Variants in ZBTB40 observed in about 807,000 individuals in gnomAD.
The protein encoded by ZBTB40 is zinc finger and BTB domain-containing protein 40.
A neutral mutation model predicts 117.5 loss-of-function variants in ZBTB40; 60 were observed. The ratio of observed to expected loss-of-function variants is 0.51; its 90% confidence interval spans 0.41 to 0.63. The LOEUF is 0.63. ZBTB40 is among the 30% of genes least tolerant of loss of function. The pLI is 0.00. For synonymous variants in ZBTB40, 525 were observed against 577.1 expected (o/e 0.91, Z 1.29); for missense variants, 1,287 against 1,498.5 (o/e 0.86, Z 2.33).
chr1:22,525,993 A>G (rs941466960), intron 17 of ZBTB40, among the ~76,000 whole-genome samples: 3 of 152,152 alleles, frequency 2.0e-5, no homozygotes, highest in Admixed American at 1.3e-4. Flanking sequence ...AATTATAGCA[A>G]TTTAGTGCAC....
Position 22,526,341 on chromosome 1 carries a change from C to G in ZBTB40, c.3665C>G (p.Thr1222Ser). 1.2e-6 allele frequency: 2 copies of G among 1,614,208 alleles called. No homozygotes were observed. Among genetic ancestry groups the G allele is most frequent in the Non-Finnish European group, 1.7e-6 (2 of 1,180,038 alleles). Residue 1222 changes from threonine (T) to serine (S), a missense_variant, in exon 18 of 18, where the codon ACT (threonine) becomes AGT (serine). Transcript: ENST00000375647. The stretch of plus-strand genomic sequence containing the variant: ...GCCAGCTCTGAGCTCGTGGCGGTGA[C>G]TGTGGAGGACTTGCTGGATGGCACA... ...SQASSELVAV[T>S]VEDLLDGTVT...
intron 1 of ZBTB40, among the ~76,000 whole-genome samples, chr1:22,441,115 T>C (rs543546104): frequency 6.6e-6 from 1 of 152,316 alleles, no homozygotes; most frequent in African/African-American, 2.4e-5. Flanking sequence ...CCAGGGCTTT[T>C]CTTTGTCAGG....
chr1:22,509,034 G>A, intron 8 of ZBTB40, 66 bp from the exon 9 acceptor site: 3 of 1,613,020 alleles, frequency 1.9e-6, no homozygotes, highest in Non-Finnish European at 2.5e-6. Flanking sequence ...TTGAGTGGAG[G>A]AAGGGTGTAG....
chr1:22,521,054 G>C (rs1044583499), intron 14 of ZBTB40, among the ~76,000 whole-genome samples: 5 of 152,230 alleles, frequency 3.3e-5, no homozygotes, highest in African/African-American at 1.2e-4. Context: ...CAGCTTGCTC[G>C]GCTGTGCCCC....
intron 2 of ZBTB40, 90 bp downstream of exon 2, chr1:22,490,735 T>C (rs1468586266): frequency 2.7e-6 from 4 of 1,506,904 alleles, no homozygotes; most frequent in Non-Finnish European, 2.7e-6. Context: ...CAAAGACCAC[T>C]GTTAGGTAGA....
intron 1 of ZBTB40, among the ~76,000 whole-genome samples, chr1:22,458,446 G>T (rs1229116361): frequency 6.6e-6 from 1 of 152,184 alleles, no homozygotes; most frequent in Non-Finnish European, 1.5e-5. Context: ...TGGGGCCAGT[G>T]GGCCACATTC....
chr1:22,488,236 A>G (rs537278858), intron 1 of ZBTB40, among the ~76,000 whole-genome samples: 9 of 152,240 alleles, frequency 5.9e-5, no homozygotes, highest in Non-Finnish European at 1.3e-4. Context: ...AATTTTAAGC[A>G]CTGGGATACA....
At chr1:22,479,276 A>C in intron 1 of ZBTB40, among the ~76,000 whole-genome samples, 1 of 152,052 alleles carries the variant, frequency 6.6e-6, no homozygotes, top group East Asian at 1.9e-4. Context: ...TTTAGTGGAG[A>C]TGATGTTTGA....
At chr1:22,517,742 T>G (rs142683379) in intron 13 of ZBTB40, 39 of 413,902 alleles carry the variant, frequency 9.4e-5, no homozygotes, top group African/African-American at 6.1e-4. Flanking sequence ...CAAATTTTGT[T>G]TGAAGGAGAA....
intron 1 of ZBTB40, among the ~76,000 whole-genome samples, chr1:22,468,705 C>T (rs1641325689): frequency 8.3e-6 from 1 of 120,184 alleles, no homozygotes. Flanking sequence ...CACTCTGTTG[C>T]TTAAGCTGAT....
At chr1:22,459,242 G>T (rs898389222) in intron 1 of ZBTB40, among the ~76,000 whole-genome samples, 4 of 152,040 alleles carry the variant, frequency 2.6e-5, no homozygotes, top group Admixed American at 2.0e-4. Flanking sequence ...TATTGCTTTG[G>T]ATTTGCAGTC....
chr1:22,469,409 T>C (rs1386217689), intron 1 of ZBTB40, among the ~76,000 whole-genome samples: 2 of 152,344 alleles, frequency 1.3e-5, no homozygotes, highest in South Asian at 4.1e-4. Context: ...AGCCTTGGCC[T>C]CCTGGCCTCA....
chr1:22,430,202 C>G (rs544509181), intron 1 of ZBTB40, among the ~76,000 whole-genome samples: 22 of 152,232 alleles, frequency 1.4e-4, no homozygotes, highest in African/African-American at 5.1e-4. Context: ...ATAAATGCTA[C>G]TTTGGTTTTT....
In ZBTB40 at chr1:22,491,409, G is replaced by A. The variant is rs1331850349; in HGVS notation, c.707G>A (p.Arg236Lys). The A allele has an allele frequency of 3.7e-6, 6 of 1,613,712 alleles. No homozygotes were observed. The highest frequency in any genetic ancestry group is 5.1e-6 in the Non-Finnish European group (6 of 1,179,870). Residue 236 changes from arginine to lysine, a missense_variant, in exon 3 of 18, where the codon AGG (arginine) becomes AAG (lysine). This residue lies in a region of ZBTB40 where 870 missense variants were observed against 934.4 expected (regional missense o/e 0.93). Coordinates refer to ENST00000375647, the MANE Select transcript of ZBTB40 (RefSeq NM_014870.4). ...KKTSTEPGCERKHYQLNFLLE... is the reference protein window; with the variant it reads ...KKTSTEPGCEKKHYQLNFLLE... ...TTTGTTCTACATTTAGGATGTGAAAGGAAACACTACCAGCTGAATTTTCTT... is the reference window on the plus strand; with the variant it reads ...TTTGTTCTACATTTAGGATGTGAAAAGAAACACTACCAGCTGAATTTTCTT...
intron 1 of ZBTB40, among the ~76,000 whole-genome samples, chr1:22,488,720 A>G (rs1638541768): frequency 1.3e-5 from 2 of 152,244 alleles, no homozygotes; most frequent in African/African-American, 4.8e-5. Context: ...GAAGCCATTT[A>G]AGGCTTTTTG....
intron 14 of ZBTB40, among the ~76,000 whole-genome samples, 194 bp from the exon 15 acceptor site, chr1:22,521,302 A>G (rs1040212518): frequency 6.6e-6 from 1 of 152,218 alleles, no homozygotes; most frequent in Non-Finnish European, 1.5e-5. Context: ...TGGCTTCTCA[A>G]TGAATATGTA....
chr1:22,446,460 A>T (rs1373651659), intron 1 of ZBTB40, among the ~76,000 whole-genome samples: 1 of 152,080 alleles, frequency 6.6e-6, no homozygotes, highest in Non-Finnish European at 1.5e-5. Flanking sequence ...CAAAAACTCT[A>T]CCTAACCATA....
upstream of ZBTB40, among the ~76,000 whole-genome samples, chr1:22,447,250 A>T (rs1390876789): frequency 6.6e-6 from 1 of 152,226 alleles, no homozygotes; most frequent in African/African-American, 2.4e-5. Context: ...ATGAAAGATC[A>T]TGCTGGCTTG....
chr1:22,471,762 T>C (rs144103545), intron 1 of ZBTB40, among the ~76,000 whole-genome samples: 1 of 152,338 alleles, frequency 6.6e-6, no homozygotes, highest in Non-Finnish European at 1.5e-5. Flanking sequence ...ATGGGGATGC[T>C]GAACACATGA....
Sources: gnomAD v4.1 joint callset for allele counts (sites outside exome capture counted in the v4.1 genomes callset) on GRCh38, gnomAD v4.1.1 for gene constraint, gnomAD v4.1.1 regional missense constraint, MANE v1.5 for transcripts, NCBI Gene and HGNC (gene_info 2026-07-23, HGNC 2026-07-21) for gene names.